ANK2: variants seen among roughly 807,000 people sequenced by gnomAD.
The protein encoded by ANK2 is ankyrin 2.
In ANK2, 83 loss-of-function variants were observed where a neutral mutation model predicts 360.5. The ratio of observed to expected loss-of-function variants is 0.23; its 90% CI spans 0.19 to 0.28. The LOEUF is 0.28. Ranked by LOEUF, ANK2 falls within the 10% of genes least tolerant of loss-of-function variation. The pLI is 1.00. For missense variants in ANK2, 4,201 were observed against 4,795.7 expected (o/e 0.88, Z 3.66); for synonymous variants, 1,740 against 1,759.5 (o/e 0.99, Z 0.28).
intron 2 of ANK2, among the ~76,000 whole-genome samples, chr4:112,960,819 T>C (rs1307597067): frequency 6.6e-6 from 1 of 152,148 alleles, no homozygotes; most frequent in African/African-American, 2.4e-5. Context: ...TTTCCCCTTT[T>C]TACCTTCATG....
chr4:113,040,252 G>A (rs9307387), intron 2 of ANK2, among the ~76,000 whole-genome samples: 128,070 of 152,008 alleles, frequency 0.84, 54,342 homozygotes, highest in East Asian at 0.98. Flanking sequence ...GAAATTCTAC[G>A]TTTCATCTAA....
intron 1 of ANK2, among the ~76,000 whole-genome samples, chr4:113,159,277 G>T (rs1429084955): frequency 6.7e-6 from 1 of 149,048 alleles, no homozygotes; most frequent in East Asian, 2.0e-4. Flanking sequence ...AAATGTATAT[G>T]TAAAATGAAA....
chr4:113,300,661 C>T (rs2074476869), intron 22 of ANK2, among the ~76,000 whole-genome samples: 2 of 152,078 alleles, frequency 1.3e-5, no homozygotes, highest in South Asian at 4.1e-4. Flanking sequence ...TCACATCTAA[C>T]CTGAGCCAAG....
rs1399780053 is a variant in ANK2 at position 113,037,395 on chromosome 4, CTCA to C, written c.21+132885_21+132887del. 1.3e-4 allele frequency among the ~76,000 whole-genome samples: 20 copies of C among 152,000 alleles called. 1 individual carries two copies. In the East Asian group the frequency reaches 2.9e-3, roughly 22 times the overall value. ...TGAAATACTATTATACTTAGTTGCT[CTCA>C]TCAATTTCAATCTTTGTAGCATTAA... is the stretch of plus-strand genomic sequence containing the variant. On this transcript the variant is annotated intron_variant, in intron 2 of 30. Transcript: ENST00000503271.
At chr4:113,164,849 A>G (rs927086287) in intron 1 of ANK2, among the ~76,000 whole-genome samples, 1 of 152,210 alleles carries the variant, frequency 6.6e-6, no homozygotes, top group African/African-American at 2.4e-5. Flanking sequence ...ATCCTGTAAT[A>G]TTTTAACATG....
At chr4:113,159,191 CCACACACACA>C (rs57967546) in intron 1 of ANK2, among the ~76,000 whole-genome samples, 224 of 142,030 alleles carry the variant, frequency 1.6e-3, no homozygotes, top group African/African-American at 5.0e-3. Flanking sequence ...CTCTTTCCTT[CCACACACACA>C]CACACACACA....
At chr4:113,001,774 G>A (rs1012303488) in intron 2 of ANK2, among the ~76,000 whole-genome samples, 19 of 152,024 alleles carry the variant, frequency 1.2e-4, no homozygotes, top group Non-Finnish European at 2.5e-4. Context: ...CTCTCCTCTC[G>A]CTCACATCCT....
intron 2 of ANK2, among the ~76,000 whole-genome samples, chr4:112,962,742 A>G (rs1038548068): frequency 1.5e-4 from 23 of 152,164 alleles, no homozygotes; most frequent in African/African-American, 5.5e-4. Context: ...GTCAGAAGCT[A>G]TAGGGAGAGG....
chr4:113,307,509 G>A (rs1195823683), intron 23 of ANK2, among the ~76,000 whole-genome samples: 2 of 149,708 alleles, frequency 1.3e-5, no homozygotes, highest in East Asian at 2.0e-4. Context: ...TCCATCTCCC[G>A]GGTTCTCCTG....
chr4:112,717,750 C>G, the ANK2 span, among the ~76,000 whole-genome samples: 5 of 150,804 alleles, frequency 3.3e-5, no homozygotes, highest in Admixed American at 3.4e-4. Flanking sequence ...AGTGCTTAGA[C>G]AGTTTCTTAG....
chr4:112,762,379 A>G, the ANK2 span, among the ~76,000 whole-genome samples: 141 of 152,342 alleles, frequency 9.3e-4, no homozygotes, highest in African/African-American at 3.3e-3. Context: ...AAATTGCAAC[A>G]AAGCTTTATA....
At chr4:113,108,824 G>A (rs1258491422) in intron 1 of ANK2, among the ~76,000 whole-genome samples, 1 of 152,088 alleles carries the variant, frequency 6.6e-6, no homozygotes, top group African/African-American at 2.4e-5. Context: ...GAACCATCAA[G>A]TTTGGTTTTC....
chr4:113,240,424 C>A, intron 7 of ANK2, 61 bp from the exon 8 acceptor site: 3 of 1,282,518 alleles, frequency 2.3e-6, no homozygotes, highest in Admixed American at 3.4e-5. Flanking sequence ...TTCACTAATA[C>A]AATGGCTGCA....
intron 2 of ANK2, among the ~76,000 whole-genome samples, chr4:112,996,458 C>T (rs144069370): frequency 2.6e-4 from 40 of 152,080 alleles, no homozygotes; most frequent in Admixed American, 7.9e-4. Context: ...GATATTTACT[C>T]GTTTTGCACA....
chr4:112,990,348 C>G (rs1256817953), intron 2 of ANK2, among the ~76,000 whole-genome samples: 1 of 152,160 alleles, frequency 6.6e-6, no homozygotes, highest in African/African-American at 2.4e-5. Flanking sequence ...CTGACATGAT[C>G]AGAGTCTCTC....
At chr4:113,266,897 ATCCTC>A (rs1036943572) in intron 14 of ANK2, among the ~76,000 whole-genome samples, 3 of 152,088 alleles carry the variant, frequency 2.0e-5, no homozygotes, top group African/African-American at 7.2e-5. Context: ...AAGCATTCAT[ATCCTC>A]TCCAGCATCT....
At chr4:112,951,141 A>G (rs1479001462) in intron 2 of ANK2, among the ~76,000 whole-genome samples, 3 of 151,864 alleles carry the variant, frequency 2.0e-5, no homozygotes, top group African/African-American at 7.3e-5. Context: ...AATGCTTGGA[A>G]GTTTATCCTA....
the ANK2 span, chr4:112,788,757 A>G: frequency 1.8e-5 from 27 of 1,537,830 alleles, no homozygotes; most frequent in Non-Finnish European, 2.4e-5. Context: ...GTCCTGTCCA[A>G]TGCCAAAATT....
At chr4:113,282,543 G>A (rs2062818568) in intron 17 of ANK2, 132 bp from the exon 18 acceptor site, 1 of 881,310 alleles carries the variant, frequency 1.1e-6, no homozygotes, top group African/African-American at 1.7e-5. Context: ...TGATGAGTAA[G>A]AGTTTGGATT....
Sources: gnomAD v4.1 joint callset for allele counts (sites outside exome capture counted in the v4.1 genomes callset) on GRCh38, gnomAD v4.1.1 for gene constraint, MANE v1.5 for transcripts, NCBI Gene and HGNC (gene_info 2026-07-23, HGNC 2026-07-21) for gene names.